The following JARID2 variants were observed in gnomAD, a reference collection of about 807,000 sequenced individuals.
JARID2 encodes jumonji and AT-rich interaction domain containing 2.
In JARID2, 21 loss-of-function variants were observed where a neutral mutation model predicts 125.6. The ratio of observed to expected loss-of-function variants is 0.17; its 90% confidence interval spans 0.12 to 0.24. The LOEUF (loss-of-function observed/expected upper bound fraction) is 0.24, where lower values mean the gene tolerates loss of function less well. Among genes scored for constraint, JARID2 ranks in the 10% least tolerant of loss-of-function variants. The pLI is 1.00. For synonymous variants in JARID2, 736 were observed against 661.6 expected (o/e 1.11, Z -1.73); for missense variants, 1,303 against 1,639.6 (o/e 0.79, Z 3.55).
chr6:15,399,496 T>C (rs934214509), intron 2 of JARID2, among the ~76,000 whole-genome samples: 21 of 152,136 alleles, frequency 1.4e-4, no homozygotes, highest in African/African-American at 4.1e-4. Context: ...GATGTCTGTG[T>C]GTGTGTGTGT....
rs575065485 is a variant in JARID2 at position 15,254,897 on chromosome 6, C to CAAA, written c.45+8313_45+8314insAAA. Among the ~76,000 whole-genome samples, 974 of 151,974 alleles carry CAAA rather than the reference C, an allele frequency of 6.4e-3. 12 individuals carry two copies. The highest frequency in any genetic ancestry group is 0.023 in the African/African-American group (936 of 41,440). On this transcript the variant is annotated intron_variant, in intron 1 of 17. Transcript: ENST00000341776. ...TCTACTAAAAATGCAAAAAAGTTAG[C>CAAA]CAGGCGTGGTGGTGGGCACCTGTAA...
At chr6:15,505,511 C>G (rs1404242757) in intron 9 of JARID2, among the ~76,000 whole-genome samples, 1 of 152,198 alleles carries the variant, frequency 6.6e-6, no homozygotes, top group Non-Finnish European at 1.5e-5. Flanking sequence ...CAGCTGGTCA[C>G]CCTCCCTGGG....
chr6:15,321,785 T>G (rs1246523673), intron 1 of JARID2, among the ~76,000 whole-genome samples: 2 of 9,734 alleles, frequency 2.1e-4, no homozygotes, highest in Non-Finnish European at 4.9e-4. Flanking sequence ...GAATTCTTGT[T>G]TTTTTTTTTT....
intron 1 of JARID2, among the ~76,000 whole-genome samples, chr6:15,317,516 G>A (rs1762218734): frequency 2.0e-5 from 3 of 152,068 alleles, no homozygotes; most frequent in South Asian, 4.2e-4. Context: ...CAGTAGACCT[G>A]GAGTCTTGCC....
At chr6:15,320,229 T>G (rs1189530583) in intron 1 of JARID2, among the ~76,000 whole-genome samples, 1 of 152,248 alleles carries the variant, frequency 6.6e-6, no homozygotes, top group Non-Finnish European at 1.5e-5. Flanking sequence ...ACAGTGTTAA[T>G]GTCCTCTACA....
At chr6:15,457,160 CATTTT>C (rs1327304375) in intron 4 of JARID2, among the ~76,000 whole-genome samples, 1 of 152,134 alleles carries the variant, frequency 6.6e-6, no homozygotes, top group Admixed American at 6.5e-5. Flanking sequence ...CCTGTCATTT[CATTTT>C]AATAGCTTAT....
intron 7 of JARID2, among the ~76,000 whole-genome samples, chr6:15,497,771 G>C (rs554135508): frequency 2.6e-5 from 4 of 152,144 alleles, no homozygotes; most frequent in South Asian, 4.1e-4. Context: ...AGCAGGGGCC[G>C]GGGGGCCAGT....
At chr6:15,368,823 T>C in intron 1 of JARID2, 1 of 444,736 alleles carries the variant, frequency 2.2e-6, no homozygotes. Flanking sequence ...TCATCTTTTC[T>C]TTCTGATGTA....
chr6:15,265,202 C>G (rs960119865), intron 1 of JARID2, among the ~76,000 whole-genome samples: 1 of 151,988 alleles, frequency 6.6e-6, no homozygotes, highest in African/African-American at 2.4e-5. Context: ...GGAATGAGAC[C>G]AGTTGGTTGT....
chr6:15,496,385 G>A lies in JARID2; in HGVS notation c.1160G>A (p.Arg387His), dbSNP rs146276296. The part of the protein sequence containing the change: ...GKTESSNAKT[R>H]KQVLSLGGAS... The stretch of plus-strand genomic sequence containing the variant: ...ACTGAAAGTAGCAATGCAAAAACCC[G>A]CAAACAGGTGCTATCCCTCGGGGGG... The change falls in exon 7 of 18, where the codon CGC becomes CAC. Residue 387 changes from arginine to histidine, a missense_variant. Physicochemically the swap from Arg to His is conservative, Grantham distance 29. This residue lies in a region of JARID2 where 651 missense variants were observed against 581.6 expected (regional missense o/e 1.12). Transcript: ENST00000341776. 259 of 1,613,968 alleles carry A rather than the reference G, an allele frequency of 1.6e-4. No homozygotes were observed. In the Middle Eastern group the frequency reaches 1.8e-3, roughly 11 times the overall value.
intron 1 of JARID2, among the ~76,000 whole-genome samples, chr6:15,254,727 C>T (rs1166852850): frequency 1.3e-5 from 2 of 152,100 alleles, no homozygotes; most frequent in South Asian, 2.1e-4. Context: ...TTACCATGCT[C>T]CTAGAAGGTT....
intron 3 of JARID2, among the ~76,000 whole-genome samples, chr6:15,428,932 C>CA (rs1211660668): frequency 7.4e-4 from 83 of 112,062 alleles, no homozygotes; most frequent in Non-Finnish European, 1.3e-3. Context: ...AAAAACAAAC[C>CA]CCCCCCCCAA....
At chr6:15,343,548 A>C (rs562253825) in intron 1 of JARID2, among the ~76,000 whole-genome samples, 1 of 152,292 alleles carries the variant, frequency 6.6e-6, no homozygotes, top group Admixed American at 6.5e-5. Context: ...CTTGCTATAA[A>C]ATTAGGCTAT....
chr6:15,280,032 C>T (rs770211127), intron 1 of JARID2, among the ~76,000 whole-genome samples: 1 of 152,178 alleles, frequency 6.6e-6, no homozygotes, highest in Non-Finnish European at 1.5e-5. Flanking sequence ...GGGGCACTTA[C>T]CACCTAGACT....
rs562853360 is a variant in JARID2 at position 15,403,335 on chromosome 6, C to A, written c.182-6889C>A. Among the ~76,000 whole-genome samples the A allele has an allele frequency of 1.8e-4, 28 of 152,138 alleles. 1 individual carries two copies. The South Asian group carries it at 5.2e-3, about 28-fold the overall frequency. On this transcript the variant is annotated intron_variant, in intron 2 of 17. Transcript: ENST00000341776. ...CCTTTCAGTGAGCAGTGTTTTCTGT[C>A]CCCCTGGGATTGTTGGTTAGGATGT...
chr6:15,507,413 C>T lies in JARID2; in HGVS notation c.2728C>T (p.Pro910Ser), dbSNP rs780557443. 29 of 1,613,584 alleles carry T rather than the reference C, an allele frequency of 1.8e-5. No individual in the cohort carries two copies. The highest frequency in any genetic ancestry group is 2.4e-5 in the Non-Finnish European group (28 of 1,179,696). The change falls in exon 11 of 18, where the codon CCT (proline) becomes TCT (serine). Residue 910 changes from proline (P) to serine (S), a missense_variant. By Grantham distance (74) the Pro-to-Ser change is moderately conservative. Transcript: ENST00000341776. ...GSILRHLGAV[P>S]GVTIPWLNIG... ...CATCCTGCGTCACCTCGGTGCTGTG[C>T]CTGGTAAGCCTGACTGTGGCCGCCT... is the stretch of plus-strand genomic sequence containing the variant.
chr6:15,388,588 AATATAT>A (rs67600299), intron 2 of JARID2, among the ~76,000 whole-genome samples: 1 of 147,308 alleles, frequency 6.8e-6, no homozygotes, highest in African/African-American at 2.5e-5. Flanking sequence ...TATATTATAA[AATATAT>A]ATATATAATT....
intron 3 of JARID2, among the ~76,000 whole-genome samples, chr6:15,415,480 G>T (rs1766113900): frequency 6.8e-6 from 1 of 146,404 alleles, no homozygotes; most frequent in Non-Finnish European, 1.5e-5. Context: ...GGGGCGGCTG[G>T]CCGGGCAGAG....
chr6:15,457,731 CTTGT>C (rs781219420), intron 4 of JARID2, among the ~76,000 whole-genome samples: 1 of 151,488 alleles, frequency 6.6e-6, no homozygotes, highest in Non-Finnish European at 1.5e-5. Context: ...TTCTTTAAAC[CTTGT>C]TTGTTATCTG....
Sources: gnomAD v4.1 joint callset for allele counts (sites outside exome capture counted in the v4.1 genomes callset) on GRCh38, gnomAD v4.1.1 for gene constraint, gnomAD v4.1.1 regional missense constraint, MANE v1.5 for transcripts, NCBI Gene and HGNC (gene_info 2026-07-23, HGNC 2026-07-21) for gene names.